Variants in TMEM272 observed in about 807,000 individuals in gnomAD.
The protein encoded by TMEM272 is transmembrane protein 272, also known as long intergenic non-protein coding RNA 282.
Under a neutral mutation model 3.7 loss-of-function variants are expected in TMEM272, and 8 were observed. That is an observed-to-expected ratio of 2.17 (90% confidence interval 1.27 to 3.91). TMEM272 has a LOEUF of 3.91. TMEM272 is among the 30% of genes most tolerant of loss of function. TMEM272 has a pLI of 0.00. For synonymous variants in TMEM272, 63 were observed against 39.8 expected (o/e 1.58, Z -2.20); for missense variants, 166 against 91.5 (o/e 1.81, Z -3.32).
chr13:51,929,735 C>T, the TMEM272 span, among the ~76,000 whole-genome samples: 5 of 152,228 alleles, frequency 3.3e-5, no homozygotes, highest in African/African-American at 2.4e-5. Context: ...TTCTGTGTCC[C>T]GGACAGTCAA....
intron 1 of TMEM272, among the ~76,000 whole-genome samples, chr13:51,839,215 C>T (rs1365947196): frequency 6.6e-6 from 1 of 152,150 alleles, no homozygotes; most frequent in African/African-American, 2.4e-5. Flanking sequence ...AGTTGGTTGA[C>T]ACTGTGAGAA....
chr13:51,860,754 C>T, the TMEM272 span, among the ~76,000 whole-genome samples: 3 of 52,706 alleles, frequency 5.7e-5, no homozygotes, highest in African/African-American at 1.1e-4. Flanking sequence ...TATATATATA[C>T]ACACACACAC....
the TMEM272 span, among the ~76,000 whole-genome samples, chr13:51,860,850 T>C: frequency 6.6e-6 from 1 of 151,128 alleles, no homozygotes. Flanking sequence ...TATATATATG[T>C]ATATAGAAAA....
chr13:51,925,550 A>C, the TMEM272 span, among the ~76,000 whole-genome samples: 1 of 152,084 alleles, frequency 6.6e-6, no homozygotes, highest in African/African-American at 2.4e-5. Flanking sequence ...ACAAAACACA[A>C]ATATAGACAC....
At chr13:51,934,289 C>T in the TMEM272 span, 1 of 265,818 alleles carries the variant, frequency 3.8e-6, no homozygotes, top group African/African-American at 2.2e-5. Flanking sequence ...AACAGGCACA[C>T]CTGAGGTAAA....
At chr13:51,920,618 G>A in the TMEM272 span, among the ~76,000 whole-genome samples, 1 of 152,060 alleles carries the variant, frequency 6.6e-6, no homozygotes, top group South Asian at 2.1e-4. Context: ...GTCCCCTCAG[G>A]GCTTTCTCAC....
the TMEM272 span, among the ~76,000 whole-genome samples, chr13:51,859,894 AT>A: frequency 1.1e-4 from 16 of 148,616 alleles, no homozygotes; most frequent in African/African-American, 1.2e-4. Flanking sequence ...CTGTTATTCT[AT>A]TTTTTTTTTT....
the TMEM272 span, among the ~76,000 whole-genome samples, chr13:51,852,650 C>G: frequency 2.0e-5 from 3 of 152,092 alleles, no homozygotes; most frequent in African/African-American, 7.2e-5. Flanking sequence ...GAGGCCAAGG[C>G]GGGCAGATCA....
chr13:51,838,975 G>A (rs1344520988), intron 1 of TMEM272, among the ~76,000 whole-genome samples: 2 of 152,142 alleles, frequency 1.3e-5, no homozygotes, highest in Non-Finnish European at 2.9e-5. Context: ...GACCCTGAGA[G>A]CTTAAGATTC....
upstream of TMEM272, among the ~76,000 whole-genome samples, chr13:51,849,004 G>A (rs1348871034): frequency 2.0e-5 from 3 of 152,158 alleles, no homozygotes; most frequent in Non-Finnish European, 2.9e-5. Context: ...TAATTTGGGA[G>A]AAAACCTTCA....
the TMEM272 span, among the ~76,000 whole-genome samples, chr13:51,897,859 G>A: frequency 3.4e-5 from 5 of 147,078 alleles, no homozygotes; most frequent in East Asian, 2.1e-4. Flanking sequence ...CCCAGGAGGC[G>A]GAGGTTGCAG....
chr13:51,866,179 T>A, the TMEM272 span: 2 of 1,007,448 alleles, frequency 2.0e-6, no homozygotes, highest in Non-Finnish European at 2.8e-6. Flanking sequence ...CACTCATTGG[T>A]CTCCTTGCTT....
At chr13:51,859,556 C>CA in the TMEM272 span, among the ~76,000 whole-genome samples, 1 of 134,956 alleles carries the variant, frequency 7.4e-6, no homozygotes, top group Non-Finnish European at 1.6e-5. Flanking sequence ...ACAGACACCC[C>CA]CTCAGCAAAG....
chr13:51,857,506 G>A, the TMEM272 span, among the ~76,000 whole-genome samples: 1 of 151,836 alleles, frequency 6.6e-6, no homozygotes, highest in South Asian at 2.1e-4. Flanking sequence ...AGGTAGAAGG[G>A]GTATAAGTGG....
chr13:51,854,773 G>A, the TMEM272 span, among the ~76,000 whole-genome samples: 6 of 152,176 alleles, frequency 3.9e-5, no homozygotes, highest in East Asian at 3.8e-4. Context: ...GACAGTGACC[G>A]AGGGCATAGG....
chr13:51,848,660 T>A (rs547301000), upstream of TMEM272, among the ~76,000 whole-genome samples: 44 of 152,268 alleles, frequency 2.9e-4, no homozygotes, highest in African/African-American at 1.0e-3. Context: ...CAAAGGCAAC[T>A]GTGAGTTAAT....
chr13:51,916,799 C>T, the TMEM272 span, among the ~76,000 whole-genome samples: 1 of 152,202 alleles, frequency 6.6e-6, no homozygotes, highest in South Asian at 2.1e-4. Flanking sequence ...TAAACACACT[C>T]TTTCCCCCTT....
the TMEM272 span, chr13:51,865,753 C>G: frequency 6.2e-7 from 1 of 1,614,078 alleles, no homozygotes; most frequent in Admixed American, 1.7e-5. Flanking sequence ...GGAAAAAGTA[C>G]CGCACTTTCT....
chr13:51,884,452 C>A, the TMEM272 span, among the ~76,000 whole-genome samples: 3 of 152,190 alleles, frequency 2.0e-5, no homozygotes, highest in Non-Finnish European at 4.4e-5. Flanking sequence ...ACAACATGAA[C>A]AAATATGTGA....
Sources: gnomAD v4.1 joint callset for allele counts (sites outside exome capture counted in the v4.1 genomes callset) on GRCh38, gnomAD v4.1.1 for gene constraint, MANE v1.5 for transcripts, NCBI Gene and HGNC (gene_info 2026-07-23, HGNC 2026-07-21) for gene names.